Variants in ADIPOR2 observed in about 807,000 individuals in gnomAD.
ADIPOR2 encodes adiponectin receptor protein 2.
A neutral mutation model predicts 40.9 loss-of-function variants in ADIPOR2; 18 were observed. The ratio of observed to expected loss-of-function variants is 0.44; its 90% CI spans 0.30 to 0.65. The LOEUF (loss-of-function observed/expected upper bound fraction) is 0.65. Among genes scored for constraint, ADIPOR2 ranks in the 30% least tolerant of loss-of-function variants. The pLI is 0.09. For synonymous variants in ADIPOR2, 165 were observed against 166.4 expected (o/e 0.99, Z 0.06); for missense variants, 283 against 479.2 (o/e 0.59, Z 3.82).
At position 1,757,995 on chromosome 12, in the gene ADIPOR2, T is replaced by C. The variant is rs996994929; in HGVS notation, c.171+3481T>C. 2.9e-5 allele frequency: 29 copies of C among 1,003,584 alleles called. 1 individual carries two copies. In the Admixed American group the frequency reaches 4.3e-4, roughly 15 times the overall value. 62.2% of individuals were successfully genotyped at this position (1,003,584 alleles called of 1,614,324 possible). A position where few individuals can be genotyped will look rare whatever the true frequency, so the allele number is the denominator to read the frequency against. On this transcript the variant is annotated intron_variant, in intron 2 of 7. Transcript: ENST00000357103. ...AGCTGCTGCCCACTTCAGATGCTTCTTGGGACCACGCGCCATGGCTGCGTT... is the reference window on the plus strand; with the variant it reads ...AGCTGCTGCCCACTTCAGATGCTTCCTGGGACCACGCGCCATGGCTGCGTT...
chr12:1,729,941 GTGGTAC>G (rs1285756240), intron 1 of ADIPOR2, among the ~76,000 whole-genome samples: 1 of 152,088 alleles, frequency 6.6e-6, no homozygotes, highest in Non-Finnish European at 1.5e-5. Flanking sequence ...ACCCTATTTA[GTGGTAC>G]TGTTTAATTA....
chr12:1,754,198 T>C, intron 1 of ADIPOR2, 60 bp from the exon 2 acceptor site: 1 of 646,206 alleles, frequency 1.5e-6, no homozygotes, highest in South Asian at 4.1e-5. Context: ...TGTGATAATA[T>C]AACTGATATT....
chr12:1,749,635 G>A (rs1324661651), intron 1 of ADIPOR2, among the ~76,000 whole-genome samples: 3 of 152,092 alleles, frequency 2.0e-5, no homozygotes. Context: ...CCTTCAGTGA[G>A]GTCTTTTTCG....
At chr12:1,762,363 T>G (rs1862288534) in intron 2 of ADIPOR2, among the ~76,000 whole-genome samples, 1 of 152,190 alleles carries the variant, frequency 6.6e-6, no homozygotes, top group Admixed American at 6.5e-5. Context: ...ATAATTGTTT[T>G]TGCTTGTAGA....
intron 1 of ADIPOR2, among the ~76,000 whole-genome samples, chr12:1,720,591 G>T (rs1023517374): frequency 1.4e-4 from 21 of 152,120 alleles, no homozygotes; most frequent in African/African-American, 5.1e-4. Context: ...TCACAATAGG[G>T]TTCAGGCTTC....
intron 1 of ADIPOR2, among the ~76,000 whole-genome samples, chr12:1,693,309 TG>T (rs948343490): frequency 5.7e-4 from 80 of 139,882 alleles, no homozygotes; most frequent in Admixed American, 2.9e-3. Flanking sequence ...ATTTACTATG[TG>T]GACCTTAATA....
intron 1 of ADIPOR2, among the ~76,000 whole-genome samples, chr12:1,719,793 G>A (rs1345714952): frequency 1.3e-5 from 2 of 151,968 alleles, no homozygotes; most frequent in Non-Finnish European, 2.9e-5. Context: ...TCCTGCGACA[G>A]CCTGTGGAGT....
At chr12:1,760,828 G>A (rs1447763815) in intron 2 of ADIPOR2, 1 of 152,172 alleles carries the variant, frequency 6.6e-6, no homozygotes, top group Non-Finnish European at 1.5e-5. Context: ...GTGCTGATCT[G>A]AGTGGTGTGA....
In ADIPOR2 at chr12:1,784,077, A is replaced by G. The variant is rs1237164723; in HGVS notation, c.1032+4A>G. The G allele has an allele frequency of 1.3e-6, 2 of 1,579,834 alleles. No individual in the cohort carries two copies. Among genetic ancestry groups the G allele is most frequent in the South Asian group, 1.2e-5 (1 of 86,442 alleles). On this transcript the variant is annotated splice_donor_region_variant and intron_variant, in intron 7 of 7. Coordinates refer to ENST00000357103, the MANE Select transcript of ADIPOR2 (RefSeq NM_024551.3). ...CCCTGGCAAATGTGACATCTGGGTA[A>G]GTATGTCGGGGTGACTGAGTGTGTA... is the stretch of plus-strand genomic sequence containing the variant.
chr12:1,721,566 T>G (rs1019693075), intron 1 of ADIPOR2, among the ~76,000 whole-genome samples: 2 of 152,162 alleles, frequency 1.3e-5, no homozygotes, highest in African/African-American at 4.8e-5. Context: ...ATTTTCAGGG[T>G]TCACAGAGTA....
intron 1 of ADIPOR2, among the ~76,000 whole-genome samples, chr12:1,743,229 CA>C (rs552711963): frequency 2.2e-4 from 12 of 55,276 alleles, no homozygotes; most frequent in African/African-American, 4.0e-4. Flanking sequence ...CCATCTCTAC[CA>C]AAAAAAAAAA....
Position 1,788,598 on chromosome 12 carries a change from C to T in ADIPOR2, c.*2526C>T, listed in dbSNP as rs1345378186. 2.0e-5 allele frequency: 3 copies of T among 152,588 alleles called. No homozygotes were observed. The highest frequency in any genetic ancestry group is 4.4e-5 in the Non-Finnish European group (3 of 68,038). 9.5% of individuals were successfully genotyped at this position (152,588 alleles called of 1,614,324 possible). A position where few individuals can be genotyped will look rare whatever the true frequency, so the allele number is the denominator to read the frequency against. ...GAAGGTTGGGGTTCCAGAAAGGCAT[C>T]TGTGTGATGGTTCCATTGATGTGGG... On this transcript the variant is annotated 3_prime_UTR_variant, in exon 8 of 8. Transcript: ENST00000357103.
At chr12:1,718,933 A>C (rs2094692734) in intron 1 of ADIPOR2, among the ~76,000 whole-genome samples, 1 of 152,178 alleles carries the variant, frequency 6.6e-6, no homozygotes, top group South Asian at 2.1e-4. Flanking sequence ...CATGTTGCCT[A>C]CCTTTACATT....
chr12:1,730,422 CCTGA>C (rs1452148005), intron 1 of ADIPOR2, among the ~76,000 whole-genome samples: 4 of 150,958 alleles, frequency 2.6e-5, no homozygotes, highest in African/African-American at 7.3e-5. Flanking sequence ...TCGAGACCAT[CCTGA>C]CTAACACGGT....
intron 2 of ADIPOR2, among the ~76,000 whole-genome samples, chr12:1,765,329 A>T (rs1418775155): frequency 6.6e-6 from 1 of 152,182 alleles, no homozygotes; most frequent in African/African-American, 2.4e-5. Flanking sequence ...CACTTGCATA[A>T]TTTTTGAAGT....
rs368290740 is a variant in ADIPOR2 at position 1,785,818 on chromosome 12, G to C, written c.1033-126G>C. 8 of 1,267,280 alleles carry C rather than the reference G, an allele frequency of 6.3e-6. No homozygotes were observed. In the East Asian group the frequency reaches 7.0e-5, roughly 11 times the overall value. 78.5% of individuals were successfully genotyped at this position (1,267,280 alleles called of 1,614,324 possible). A position where few individuals can be genotyped will look rare whatever the true frequency, so the allele number is the denominator to read the frequency against. Reference sequence around the variant, plus strand: ...GGATCTGTGGACGCCTTGAATTTGAGCTCTGTCACATCCATTCCCTGCCTT... The same window carrying C: ...GGATCTGTGGACGCCTTGAATTTGACCTCTGTCACATCCATTCCCTGCCTT... On this transcript the variant is annotated intron_variant, in intron 7 of 7. Transcript: ENST00000357103.
intron 1 of ADIPOR2, among the ~76,000 whole-genome samples, chr12:1,692,729 C>CTT (rs375848450): frequency 0.012 from 1,816 of 146,668 alleles, 11 homozygotes; most frequent in Admixed American, 0.014. Context: ...AGCTGGTGCA[C>CTT]TTTTTTTTTT....
intron 2 of ADIPOR2, among the ~76,000 whole-genome samples, chr12:1,760,574 G>T (rs939858268): frequency 8.5e-5 from 13 of 152,164 alleles, no homozygotes; most frequent in African/African-American, 2.9e-4. Flanking sequence ...GAAGTGTAAG[G>T]CATGTGGTGT....
chr12:1,732,016 T>G (rs912211270), intron 1 of ADIPOR2, among the ~76,000 whole-genome samples: 8 of 151,740 alleles, frequency 5.3e-5, no homozygotes, highest in African/African-American at 1.7e-4. Context: ...AAAAAAAAGC[T>G]TAGACTTTTT....
Sources: allele counts gnomAD v4.1 joint callset (sites outside exome capture counted in the v4.1 genomes callset), GRCh38; gene constraint gnomAD v4.1.1; transcripts MANE v1.5; gene names NCBI Gene and HGNC (gene_info 2026-07-23, HGNC 2026-07-21).